LYPLAL1: variants seen among roughly 807,000 people sequenced by gnomAD.
LYPLAL1 encodes the protein lysophospholipase-like protein 1.
Under a neutral mutation model 19.7 loss-of-function variants are expected in LYPLAL1, and 23 were observed. The ratio of observed to expected loss-of-function variants is 1.17; its 90% CI spans 0.84 to 1.65. The LOEUF (loss-of-function observed/expected upper bound fraction) is 1.65. LYPLAL1 is among the 40% of genes most tolerant of loss of function. The pLI is 0.00. For synonymous variants in LYPLAL1, 119 were observed against 96.3 expected (o/e 1.24, Z -1.38); for missense variants, 355 against 279.4 (o/e 1.27, Z -1.93).
the LYPLAL1 span, among the ~76,000 whole-genome samples, chr1:219,264,102 A>T: frequency 6.6e-6 from 1 of 152,164 alleles, no homozygotes; most frequent in Admixed American, 6.5e-5. Context: ...TTTATTTTTT[A>T]AAAAATCACT....
At chr1:219,267,035 C>A in the LYPLAL1 span, among the ~76,000 whole-genome samples, 4 of 152,058 alleles carry the variant, frequency 2.6e-5, no homozygotes, top group Non-Finnish European at 5.9e-5. Flanking sequence ...GAAAATACCA[C>A]CCCAATTTTT....
chr1:219,184,617 A>G (rs1656574815), intron 2 of LYPLAL1, among the ~76,000 whole-genome samples: 1 of 151,692 alleles, frequency 6.6e-6, no homozygotes, highest in South Asian at 2.1e-4. Flanking sequence ...TTTTATATTG[A>G]GGACATTTCT....
the LYPLAL1 span, among the ~76,000 whole-genome samples, chr1:219,275,419 G>A: frequency 0.016 from 2,411 of 152,230 alleles, 18 homozygotes; most frequent in Non-Finnish European, 0.023. Flanking sequence ...TTAACTAAAT[G>A]CACAAACAAG....
At chr1:219,340,777 A>G in the LYPLAL1 span, among the ~76,000 whole-genome samples, 2 of 152,072 alleles carry the variant, frequency 1.3e-5, no homozygotes, top group South Asian at 4.1e-4. Flanking sequence ...AGAACATTAA[A>G]AGGATCATCA....
rs1341952919 is a variant in LYPLAL1 at position 219,211,625 on chromosome 1, A to G, written c.611A>G (p.His204Arg). The change falls in exon 5 of 5, where the codon CAT becomes CGT. Residue 204 changes from histidine to arginine, a missense_variant. Coordinates refer to ENST00000366928, the MANE Select transcript of LYPLAL1 (RefSeq NM_138794.5). Reference protein sequence around the residue: ...LKSLGVTTKFHSFPNVYHELS... With the variant: ...LKSLGVTTKFRSFPNVYHELS... Reference sequence around the variant, plus strand: ...TCTCTAGGAGTGACCACGAAGTTTCATAGTTTTCCAAATGTTTACCATGAG... The same window carrying G: ...TCTCTAGGAGTGACCACGAAGTTTCGTAGTTTTCCAAATGTTTACCATGAG... 1 of 1,613,506 alleles carries G rather than the reference A, an allele frequency of 6.2e-7. No homozygotes were observed. The highest frequency in any genetic ancestry group is 2.2e-5 in the East Asian group (1 of 44,834).
chr1:219,257,353 G>GTTTTTTTTT, the LYPLAL1 span, among the ~76,000 whole-genome samples: 4 of 132,580 alleles, frequency 3.0e-5, no homozygotes, highest in Non-Finnish European at 4.8e-5. Context: ...ATCCATACCA[G>GTTTTTTTTT]TTTTTGTTTT....
the LYPLAL1 span, among the ~76,000 whole-genome samples, chr1:219,235,739 A>G: frequency 1.3e-5 from 2 of 152,196 alleles, no homozygotes; most frequent in Non-Finnish European, 2.9e-5. Context: ...CGATGCCAAT[A>G]TGGAGATTAA....
the LYPLAL1 span, among the ~76,000 whole-genome samples, chr1:219,253,207 A>G: frequency 6.6e-6 from 1 of 151,638 alleles, no homozygotes; most frequent in Non-Finnish European, 1.5e-5. Context: ...CTAGTGGCCT[A>G]TTTTATTAAT....
the LYPLAL1 span, among the ~76,000 whole-genome samples, chr1:219,296,733 T>A: frequency 3.9e-5 from 6 of 152,222 alleles, no homozygotes; most frequent in Non-Finnish European, 7.3e-5. Context: ...CTTCCAACAT[T>A]AGTTAATATT....
At chr1:219,388,434 G>A in the LYPLAL1 span, among the ~76,000 whole-genome samples, 78 of 152,162 alleles carry the variant, frequency 5.1e-4, no homozygotes, top group Non-Finnish European at 9.9e-4. Flanking sequence ...TTATAGCTCT[G>A]GAGTTTATGT....
At chr1:219,303,697 G>A in the LYPLAL1 span, among the ~76,000 whole-genome samples, 50 of 152,242 alleles carry the variant, frequency 3.3e-4, no homozygotes, top group Non-Finnish European at 6.3e-4. Flanking sequence ...TCATAATTCC[G>A]CTGAAAACCT....
At chr1:219,217,833 A>G (rs1432144658), downstream of LYPLAL1, among the ~76,000 whole-genome samples, 2 of 152,110 alleles carry the variant, frequency 1.3e-5, no homozygotes, top group African/African-American at 4.8e-5. Flanking sequence ...TGAAGTAGCC[A>G]TGATACTTTC....
the LYPLAL1 span, among the ~76,000 whole-genome samples, chr1:219,254,137 T>G: frequency 6.6e-6 from 1 of 151,926 alleles, no homozygotes; most frequent in Non-Finnish European, 1.5e-5. Context: ...CTTGGTAGGT[T>G]TTCCTCTATC....
chr1:219,304,052 A>C, the LYPLAL1 span, among the ~76,000 whole-genome samples: 1 of 152,242 alleles, frequency 6.6e-6, no homozygotes, highest in African/African-American at 2.4e-5. Flanking sequence ...ATTTACAAAC[A>C]TAAAGATTGA....
chr1:219,298,867 ATAAATTAGCT>A, the LYPLAL1 span, among the ~76,000 whole-genome samples: 15 of 152,226 alleles, frequency 9.9e-5, no homozygotes, highest in Non-Finnish European at 2.1e-4. Context: ...GAAGAGTAAT[ATAAATTAGCT>A]TTGACTGCCA....
chr1:219,444,139 T>C, the LYPLAL1 span, among the ~76,000 whole-genome samples: 1 of 152,224 alleles, frequency 6.6e-6, no homozygotes, highest in Non-Finnish European at 1.5e-5. Flanking sequence ...AGGACCTGCT[T>C]TGTAAGCTTA....
the LYPLAL1 span, among the ~76,000 whole-genome samples, chr1:219,310,150 C>T: frequency 1.3e-5 from 2 of 152,092 alleles, no homozygotes; most frequent in African/African-American, 4.8e-5. Flanking sequence ...ATCTATAAAC[C>T]AAAGTGAGAT....
the LYPLAL1 span, among the ~76,000 whole-genome samples, chr1:219,220,837 A>G: frequency 6.6e-6 from 1 of 152,226 alleles, no homozygotes; most frequent in Non-Finnish European, 1.5e-5. Context: ...AAAGTCAAAA[A>G]TACAACAGAT....
chr1:219,192,932 TGA>T, intron 2 of LYPLAL1, 148 bp from the exon 3 acceptor site: 1 of 706,160 alleles, frequency 1.4e-6, no homozygotes, highest in Non-Finnish European at 2.2e-6. Context: ...ACAATATACA[TGA>T]GAGTAGTTTT....
Sources: gnomAD v4.1 joint callset for allele counts (sites outside exome capture counted in the v4.1 genomes callset) on GRCh38, gnomAD v4.1.1 for gene constraint, MANE v1.5 for transcripts, NCBI Gene and HGNC (gene_info 2026-07-23, HGNC 2026-07-21) for gene names.